Variants in PAGE5 observed in about 807,000 individuals in gnomAD.
PAGE5 encodes the protein P antigen family member 5.
PAGE5 carries 8 observed loss-of-function variants against 8.1 expected under a neutral mutation model. The observed-to-expected ratio is 0.98, with a 90% CI of 0.58 to 1.77. The LOEUF is 1.77. Ranked by LOEUF, PAGE5 falls within the 40% of genes most tolerant of loss-of-function variation. PAGE5 has a pLI of 0.00. For missense variants in PAGE5, 64 were observed against 77.6 expected (o/e 0.82, Z 0.66); for synonymous variants, 30 against 27.0 (o/e 1.11, Z -0.35).
intron 4 of PAGE5, 45 bp from the exon 5 acceptor site, chrX:55,223,942 G>T: frequency 9.5e-7 from 1 of 1,052,042 alleles, no homozygotes; most frequent in Non-Finnish European, 1.3e-6. Context: ...CATCTAAATA[G>T]AAATCTGCTG....
At chrX:55,221,131 A>G (rs1170564871) in intron 1 of PAGE5, among the ~76,000 whole-genome samples, 2 of 110,414 alleles carry the variant, frequency 1.8e-5, no homozygotes, top group Non-Finnish European at 3.8e-5. Context: ...TGAAGCCAAA[A>G]CTCAGAAAAG....
intron 3 of PAGE5, among the ~76,000 whole-genome samples, chrX:55,222,194 A>G (rs1937902473): frequency 8.9e-6 from 1 of 112,077 alleles, no homozygotes; most frequent in African/African-American, 3.2e-5. Context: ...CTTCTGTGGA[A>G]GAATGGCAGC....
At chrX:55,221,038 G>C (rs1937884561) in intron 1 of PAGE5, among the ~76,000 whole-genome samples, 1 of 111,129 alleles carries the variant, frequency 9.0e-6, no homozygotes, top group African/African-American at 3.3e-5. Flanking sequence ...GTATATCAGA[G>C]TGGGAGGAAA....
chrX:55,220,468 G>T lies in PAGE5; in HGVS notation c.-9+16G>T, dbSNP rs1937875056. The T allele has an allele frequency of 3.4e-6, 2 of 593,475 alleles. No homozygotes were observed. Among genetic ancestry groups the T allele is most frequent in the Non-Finnish European group, 5.7e-6 (2 of 352,942 alleles). The allele number at this position is 593,475 out of a possible 1,213,427, so 48.9% of individuals were successfully genotyped here. ...GACTCAGCCGGTAGGTCTGCAGAGT[G>T]GTCTTCCTGGTAATTTAGTTGTGAG... On this transcript the variant is annotated intron_variant, in intron 1 of 4. Transcript: ENST00000374955.
At chrX:55,221,600 G>A in intron 2 of PAGE5, 137 bp downstream of exon 2, 1 of 925,533 alleles carries the variant, frequency 1.1e-6, no homozygotes, top group Non-Finnish European at 1.5e-6. Context: ...GGCAACTTTG[G>A]TTCAGGAATA....
chrX:55,221,651 C>T, intron 2 of PAGE5, 116 bp from the exon 3 acceptor site: 2 of 907,739 alleles, frequency 2.2e-6, no homozygotes, highest in Non-Finnish European at 1.5e-6. Context: ...ATATTTTACT[C>T]TCTCTCTATA....
chrX:55,224,051 T>C lies in PAGE5; in HGVS notation c.*48T>C. The C allele has an allele frequency of 9.9e-7, 1 of 1,009,544 alleles. No individual in the cohort carries two copies. The highest frequency in any genetic ancestry group is 1.3e-6 in the Non-Finnish European group (1 of 750,689). 83.2% of individuals were successfully genotyped at this position (1,009,544 alleles called of 1,213,427 possible). ...ACTGAAACCAAGAATATTGTTCTTA[T>C]GCTGGAAATTTGACTGCTAACATTC... On this transcript the variant is annotated 3_prime_UTR_variant, in exon 5 of 5. Transcript: ENST00000374955.
chrX:55,220,633 G>C, intron 1 of PAGE5, 181 bp downstream of exon 1: 1 of 1,202,617 alleles, frequency 8.3e-7, no homozygotes, highest in Non-Finnish European at 1.1e-6. Flanking sequence ...TCGTGGCTGG[G>C]CTGGAACGAG....
Position 55,220,440 on chromosome X carries a change from C to G in PAGE5, c.-21C>G. 1 of 507,704 alleles carries G rather than the reference C, an allele frequency of 2.0e-6. No homozygotes were observed. The highest frequency in any genetic ancestry group is 3.5e-6 in the Non-Finnish European group (1 of 287,250). The allele number at this position is 507,704 out of a possible 1,213,427, so 41.8% of individuals were successfully genotyped here. ...AACATCTTCGTTCTTTCTCACTGAC[C>G]GAGACTCAGCCGGTAGGTCTGCAGA... On this transcript the variant is annotated 5_prime_UTR_variant, in exon 1 of 5. Coordinates refer to ENST00000374955, the MANE Select transcript of PAGE5 (RefSeq NM_001013435.3).
chrX:55,221,848 A>G lies in PAGE5; in HGVS notation c.163A>G (p.Lys55Glu), dbSNP rs754662527. The G allele has an allele frequency of 2.2e-5, 27 of 1,208,410 alleles. No individual in the cohort carries two copies. Among genetic ancestry groups the G allele is most frequent in the Non-Finnish European group, 2.8e-5 (25 of 893,742 alleles). Residue 55 changes from lysine (K) to glutamate (E), a missense_variant, in exon 3 of 5, where the codon AAA becomes GAA. Physicochemically the swap from Lys to Glu is moderately conservative, Grantham distance 56. Coordinates refer to ENST00000374955, the MANE Select transcript of PAGE5 (RefSeq NM_001013435.3). Reference protein sequence around the residue: ...NQGIAPSGEIKNEGAPAVQGT... With the variant: ...NQGIAPSGEIENEGAPAVQGT... ...GGGTATTGCACCTAGTGGGGAGATCAAAAATGAAGGAGCACCTGCTGTTCA... is the reference window on the plus strand; with the variant it reads ...GGGTATTGCACCTAGTGGGGAGATCGAAAATGAAGGAGCACCTGCTGTTCA...
At chrX:55,221,928 A>G in intron 3 of PAGE5, 53 bp downstream of exon 3, 6 of 1,106,981 alleles carry the variant, frequency 5.4e-6, no homozygotes, top group Non-Finnish European at 7.3e-6. Context: ...CTATTTATGC[A>G]TTATATTTTG....
At position 55,221,889 on chromosome X, in the gene PAGE5, G is replaced by C. The variant is rs201250063; in HGVS notation, c.190+14G>C. ...CTGCTGTTCAAGGTGAAGGGAGAGTGGAGAATAATGCTTATGGGTGGTGGA... is the reference window on the plus strand; with the variant it reads ...CTGCTGTTCAAGGTGAAGGGAGAGTCGAGAATAATGCTTATGGGTGGTGGA... On this transcript the variant is annotated intron_variant, in intron 3 of 4. Coordinates refer to ENST00000374955, the MANE Select transcript of PAGE5 (RefSeq NM_001013435.3). 11 of 1,184,384 alleles carry C rather than the reference G, an allele frequency of 9.3e-6. No individual in the cohort carries two copies. The East Asian group carries it at 3.3e-4, about 35-fold the overall frequency.
chrX:55,220,398 CCATCTTCGTTCTTTCCAA>C lies in PAGE5; in HGVS notation c.-47_-30del. ...AGAGGTTGTGTCTTCGTTCTTTCCG[CCATCTTCGTTCTTTCCAA>C]CATCTTCGTTCTTTCTCACTGACCG... On this transcript the variant is annotated 5_prime_UTR_variant, in exon 1 of 5. Coordinates refer to ENST00000374955, the MANE Select transcript of PAGE5 (RefSeq NM_001013435.3). 5 of 438,559 alleles carry C rather than the reference CCATCTTCGTTCTTTCCAA, an allele frequency of 1.1e-5. No individual in the cohort carries two copies. Among genetic ancestry groups the C allele is most frequent in the South Asian group, 9.6e-5 (3 of 31,386 alleles). 36.1% of individuals were successfully genotyped at this position (438,559 alleles called of 1,213,427 possible).
chrX:55,223,885 G>A (rs1482219903), intron 4 of PAGE5, 102 bp from the exon 5 acceptor site: 1 of 607,484 alleles, frequency 1.6e-6, no homozygotes, highest in Non-Finnish European at 2.4e-6. Flanking sequence ...ACACCCTCAG[G>A]GTTCTGATTT....
intron 4 of PAGE5, 57 bp downstream of exon 4, chrX:55,222,803 T>C (rs943493115): frequency 8.3e-5 from 94 of 1,139,038 alleles, no homozygotes; most frequent in Non-Finnish European, 1.1e-4. Context: ...ATATTGTATT[T>C]TGTGTGACAC....
Position 55,222,707 on chromosome X carries a change from A to C in PAGE5, c.277A>C (p.Thr93Pro), listed in dbSNP as rs757556528. 49 of 1,208,064 alleles carry C rather than the reference A, an allele frequency of 4.1e-5. No individual in the cohort carries two copies. In the Admixed American group the frequency reaches 1.0e-3, roughly 25 times the overall value. ...AGATGGTCCTGATGTCAGGGAGGGG[A>C]CTCTGCCCACTTTTGATCCCACTAA... The part of the protein sequence containing the change: ...PGDGPDVREG[T>P]LPTFDPTKVL... Residue 93 changes from threonine to proline, a missense_variant, in exon 4 of 5, where the codon ACT becomes CCT. Coordinates refer to ENST00000374955, the MANE Select transcript of PAGE5 (RefSeq NM_001013435.3).
At chrX:55,220,717 G>C (rs900167752) in intron 1 of PAGE5, 2 of 1,079,914 alleles carry the variant, frequency 1.9e-6, no homozygotes, top group East Asian at 3.3e-5. Flanking sequence ...GCTGTTAGAG[G>C]TGTCTGAGTC....
intron 4 of PAGE5, 76 bp from the exon 5 acceptor site, chrX:55,223,911 G>A: frequency 1.2e-6 from 1 of 834,765 alleles, no homozygotes; most frequent in African/African-American, 2.1e-5. Flanking sequence ...AATCAACACT[G>A]TAGTTGTATA....
intron 2 of PAGE5, 54 bp from the exon 3 acceptor site, chrX:55,221,713 A>T: frequency 1.8e-6 from 2 of 1,122,538 alleles, no homozygotes; most frequent in South Asian, 3.8e-5. Flanking sequence ...GCACATATGC[A>T]TTTGTGTGTT....
Sources: allele counts gnomAD v4.1 joint callset (sites outside exome capture counted in the v4.1 genomes callset), GRCh38; gene constraint gnomAD v4.1.1; transcripts MANE v1.5; gene names NCBI Gene and HGNC (gene_info 2026-07-23, HGNC 2026-07-21).